RASAL2: variants seen among roughly 807,000 people sequenced by gnomAD.
RASAL2 encodes the protein RAS protein activator like 2, also known as ras GTPase-activating protein nGAP.
In RASAL2, 58 loss-of-function variants were observed where a neutral mutation model predicts 128.9. The observed-to-expected ratio is 0.45, with a 90% CI of 0.36 to 0.56. The LOEUF is 0.56. RASAL2 is among the 20% of genes least tolerant of loss of function. RASAL2 has a pLI of 0.00. For missense variants in RASAL2, 1,360 were observed against 1,601.6 expected, an observed-to-expected ratio of 0.85 and a Z score of 2.57; for synonymous variants, 561 against 580.8, an observed-to-expected ratio of 0.97 and a Z score of 0.49.
rs573918238 is a variant in RASAL2, at chr1:178,094,161, G to C, written c.-332G>C. 1.1e-3 allele frequency: 380 copies of C among 345,414 alleles called. 6 individuals are homozygous for C. The East Asian group carries it at 0.021, about 19-fold the overall frequency. The allele number at this position is 345,414 out of a possible 1,614,324, so 21.4% of individuals were successfully genotyped here. On this transcript the variant is annotated 5_prime_UTR_variant, in exon 1 of 18. Coordinates refer to ENST00000367649, the MANE Select transcript of RASAL2 (RefSeq NM_170692.4). Reference sequence around the variant, plus strand: ...GGGCTGAAGAAGGCGGCTCCGAGGAGGTGGGAGGGCGAGCCTCCCCTCCCG... The same window carrying C: ...GGGCTGAAGAAGGCGGCTCCGAGGACGTGGGAGGGCGAGCCTCCCCTCCCG...
At chr1:178,161,958 T>TTATTTTTA (rs1661318006) in intron 1 of RASAL2, among the ~76,000 whole-genome samples, 1 of 150,506 alleles carries the variant, frequency 6.6e-6, no homozygotes, top group African/African-American at 2.5e-5. Context: ...ATTTATTTAT[T>TTATTTTTA]TTTATTTATT....
intron 6 of RASAL2, 58 bp downstream of exon 6, chr1:178,439,633 C>G: frequency 1.3e-6 from 2 of 1,544,432 alleles, no homozygotes; most frequent in Non-Finnish European, 1.8e-6. Flanking sequence ...GATTTTATGT[C>G]CAGTAATTTT....
intron 1 of RASAL2, among the ~76,000 whole-genome samples, chr1:178,135,048 T>C (rs141960535): frequency 8.9e-4 from 135 of 152,336 alleles, no homozygotes; most frequent in African/African-American, 2.7e-3. Flanking sequence ...ATGATAGTGC[T>C]CTTGCTCATT....
At position 178,368,114 on chromosome 1, in the gene RASAL2, G is replaced by GA. The variant is rs371350223; in HGVS notation, c.458-21981dup. On this transcript the variant is annotated intron_variant, in intron 3 of 17. Transcript: ENST00000367649. ...AATATTTACTATCTGGCCCTCCACA[G>GA]AAAAAGTGCATTTGCTGACCCCTGC... Among the ~76,000 whole-genome samples the GA allele has an allele frequency of 2.7e-3, 412 of 152,270 alleles. 1 individual carries two copies. The highest frequency in any genetic ancestry group is 9.1e-3 in the African/African-American group (380 of 41,542).
At chr1:178,279,629 TA>T (rs1028301691) in intron 1 of RASAL2, among the ~76,000 whole-genome samples, 58 of 152,322 alleles carry the variant, frequency 3.8e-4, no homozygotes, top group African/African-American at 1.3e-3. Flanking sequence ...CTATTTTTTA[TA>T]GTAGAACTAT....
intron 3 of RASAL2, among the ~76,000 whole-genome samples, chr1:178,344,004 G>T (rs1315013414): frequency 6.6e-6 from 1 of 152,054 alleles, no homozygotes; most frequent in East Asian, 1.9e-4. Flanking sequence ...AATAGAATGG[G>T]TATAGTGAAA....
At chr1:178,259,336 T>A (rs1464633937) in intron 1 of RASAL2, among the ~76,000 whole-genome samples, 1 of 151,844 alleles carries the variant, frequency 6.6e-6, no homozygotes, top group Non-Finnish European at 1.5e-5. Flanking sequence ...TTTCACCGTG[T>A]TAGCCAGGAT....
At chr1:178,470,422 G>A (rs1182513607) in intron 17 of RASAL2, among the ~76,000 whole-genome samples, 1 of 152,194 alleles carries the variant, frequency 6.6e-6, no homozygotes, top group Admixed American at 6.5e-5. Context: ...AAAAGGATGA[G>A]CACTCCTTTG....
At chr1:178,134,045 A>T (rs1660219848) in intron 1 of RASAL2, among the ~76,000 whole-genome samples, 1 of 152,220 alleles carries the variant, frequency 6.6e-6, no homozygotes, top group African/African-American at 2.4e-5. Context: ...AACTACCCCT[A>T]AACTTAGCAG....
At chr1:178,380,299 C>T (rs775718042) in intron 3 of RASAL2, among the ~76,000 whole-genome samples, 22 of 151,888 alleles carry the variant, frequency 1.4e-4, no homozygotes, top group Middle Eastern at 3.4e-3. Context: ...TCTGTGATAG[C>T]CATGTCACTA....
At chr1:178,143,284 T>A (rs1660601534) in intron 1 of RASAL2, among the ~76,000 whole-genome samples, 1 of 151,996 alleles carries the variant, frequency 6.6e-6, no homozygotes, top group Non-Finnish European at 1.5e-5. Context: ...TTTATGGGCT[T>A]TGGAGGGCCA....
At chr1:178,229,104 T>A (rs1036357829) in intron 1 of RASAL2, among the ~76,000 whole-genome samples, 1 of 152,216 alleles carries the variant, frequency 6.6e-6, no homozygotes, top group Admixed American at 6.5e-5. Flanking sequence ...TTTATCTACC[T>A]TTATATGCAG....
intron 1 of RASAL2, among the ~76,000 whole-genome samples, chr1:178,220,009 G>A (rs758626353): frequency 5.9e-5 from 9 of 152,000 alleles, no homozygotes; most frequent in Admixed American, 3.3e-4. Flanking sequence ...ACGAGATATT[G>A]TTGTTTAAAA....
chr1:178,125,704 C>T (rs1173856525), intron 1 of RASAL2, among the ~76,000 whole-genome samples: 2 of 151,978 alleles, frequency 1.3e-5, no homozygotes, highest in Non-Finnish European at 2.9e-5. Context: ...GCAGAACGAA[C>T]AGGTGAATAA....
chr1:178,386,583 T>G (rs1412199086), intron 3 of RASAL2, among the ~76,000 whole-genome samples: 1 of 152,190 alleles, frequency 6.6e-6, no homozygotes, highest in East Asian at 1.9e-4. Flanking sequence ...CATTTAAAAC[T>G]TAACCAGGCT....
At chr1:178,333,637 C>G (rs1669450346) in intron 3 of RASAL2, among the ~76,000 whole-genome samples, 1 of 152,068 alleles carries the variant, frequency 6.6e-6, no homozygotes, top group Admixed American at 6.5e-5. Context: ...GTTCAAAAAC[C>G]CAAGCCATAT....
intron 1 of RASAL2, among the ~76,000 whole-genome samples, chr1:178,241,213 A>G (rs1485377563): frequency 6.6e-6 from 1 of 152,154 alleles, no homozygotes; most frequent in African/African-American, 2.4e-5. Flanking sequence ...TGTGATTCAT[A>G]TACTTGAGAT....
chr1:178,364,131 C>T (rs1239922877), intron 3 of RASAL2, among the ~76,000 whole-genome samples: 1 of 151,806 alleles, frequency 6.6e-6, no homozygotes. Flanking sequence ...TGGGGTCTGG[C>T]CTTTTTATTT....
At chr1:178,175,502 C>T (rs7531975) in intron 1 of RASAL2, among the ~76,000 whole-genome samples, 17,320 of 149,302 alleles carry the variant, frequency 0.12, 1,241 homozygotes, top group African/African-American at 0.19. Context: ...ACCAATTAAA[C>T]GTACTTATTT....
Sources: gnomAD v4.1 joint callset for allele counts (sites outside exome capture counted in the v4.1 genomes callset) on GRCh38, gnomAD v4.1.1 for gene constraint, MANE v1.5 for transcripts, NCBI Gene and HGNC (gene_info 2026-07-23, HGNC 2026-07-21) for gene names.